GSTCD: variants seen among roughly 807,000 people sequenced by gnomAD.
The protein encoded by GSTCD is glutathione S-transferase C-terminal domain containing, also known as glutathione S-transferase C-terminal domain-containing protein.
GSTCD carries 44 observed loss-of-function variants against 68.3 expected under a neutral mutation model. The ratio of observed to expected loss-of-function variants is 0.64; its 90% CI spans 0.51 to 0.83. The LOEUF (loss-of-function observed/expected upper bound fraction) is 0.83, where lower values mean the gene tolerates loss of function less well. Among genes scored for constraint, GSTCD ranks in the 40% least tolerant of loss-of-function variants. GSTCD has a pLI of 0.00. For synonymous variants in GSTCD, 273 were observed against 255.2 expected, an observed-to-expected ratio of 1.07 and a Z score of -0.67; for missense variants, 739 against 735.9, an observed-to-expected ratio of 1.00 and a Z score of -0.05.
intron 5 of GSTCD, among the ~76,000 whole-genome samples, chr4:105,733,481 T>C (rs1406811033): frequency 2.0e-5 from 3 of 152,238 alleles, no homozygotes; most frequent in Non-Finnish European, 4.4e-5. Flanking sequence ...TGGTTTAAAG[T>C]CTGTTTTAAC....
intron 5 of GSTCD, chr4:105,807,043 A>G (rs987077593): frequency 6.6e-6 from 1 of 152,070 alleles, no homozygotes; most frequent in African/African-American, 2.4e-5. Flanking sequence ...TTAGATATTC[A>G]TGACTTCATC....
chr4:105,778,525 G>A (rs1735157051), intron 5 of GSTCD, among the ~76,000 whole-genome samples: 1 of 151,978 alleles, frequency 6.6e-6, no homozygotes, highest in South Asian at 2.1e-4. Flanking sequence ...CTTTGCAAAT[G>A]GCTTTAAGTT....
Position 105,776,357 on chromosome 4 carries a change from C to T in GSTCD, c.1241-46597C>T, listed in dbSNP as rs187943423. Among the ~76,000 whole-genome samples, 33 of 152,154 alleles carry T rather than the reference C, an allele frequency of 2.2e-4. 1 individual carries two copies. The East Asian group carries it at 4.5e-3, about 21-fold the overall frequency. Reference sequence around the variant, plus strand: ...TCCAGGGTAGTGAATGGTTTTGTCTCGCTGGCATTCCAGGTGCCACTGGGG... The same window carrying T: ...TCCAGGGTAGTGAATGGTTTTGTCTTGCTGGCATTCCAGGTGCCACTGGGG... On this transcript the variant is annotated intron_variant, in intron 5 of 11. Transcript: ENST00000515279.
intron 5 of GSTCD, among the ~76,000 whole-genome samples, chr4:105,764,105 A>G (rs1276848975): frequency 2.6e-5 from 4 of 152,152 alleles, no homozygotes; most frequent in Non-Finnish European, 5.9e-5. Context: ...GTCACATCAA[A>G]AGTTTAACAG....
chr4:105,761,164 T>C (rs1185810367), intron 5 of GSTCD: 2 of 181,426 alleles, frequency 1.1e-5, no homozygotes, highest in South Asian at 9.0e-5. Flanking sequence ...CCACCATATC[T>C]GGCTAATTTT....
At position 105,807,526 on chromosome 4, in the gene GSTCD, CTTAACT is replaced by C. The variant is rs1430945441; in HGVS notation, c.1241-15422_1241-15417del. Among the ~76,000 whole-genome samples the C allele has an allele frequency of 2.6e-5, 4 of 151,934 alleles. 1 individual carries two copies. Among genetic ancestry groups the C allele is most frequent in the Non-Finnish European group, 5.9e-5 (4 of 67,938 alleles). ...GTCCTATAAAATTTGTTTTGTCTTT[CTTAACT>C]TTAACATTTTGAAAAAGAATCTATT... is the stretch of plus-strand genomic sequence containing the variant. On this transcript the variant is annotated intron_variant, in intron 5 of 11. Coordinates refer to ENST00000515279, the MANE Select transcript of GSTCD (RefSeq NM_001370181.1).
chr4:105,845,490 A>AG lies in GSTCD; in HGVS notation c.1816dup (p.Glu606GlyfsTer21). 2 of 1,614,174 alleles carry AG rather than the reference A, an allele frequency of 1.2e-6. No individual in the cohort carries two copies. Among genetic ancestry groups the AG allele is most frequent in the Non-Finnish European group, 1.7e-6 (2 of 1,180,008 alleles). ...ATCTGGATCGAGCAAGAGCTGCAGAAGAATGTGGATACTCCGTTCAAGTGA... is the reference window on the plus strand; with the variant it reads ...ATCTGGATCGAGCAAGAGCTGCAGAAGGAATGTGGATACTCCGTTCAAGTGA... On this transcript the variant is annotated frameshift_variant, in exon 12 of 12. Coordinates refer to ENST00000515279, the MANE Select transcript of GSTCD (RefSeq NM_001370181.1). LOFTEE classifies it high-confidence loss of function.
intron 5 of GSTCD, among the ~76,000 whole-genome samples, chr4:105,735,067 G>A (rs1161566767): frequency 6.6e-6 from 1 of 152,194 alleles, no homozygotes; most frequent in African/African-American, 2.4e-5. Flanking sequence ...GTACCCGGCC[G>A]TGTTAGGTGT....
Position 105,820,347 on chromosome 4 carries a change from C to T in GSTCD, c.1241-2607C>T, listed in dbSNP as rs552217448. On this transcript the variant is annotated intron_variant, in intron 5 of 11. Coordinates refer to ENST00000515279, the MANE Select transcript of GSTCD (RefSeq NM_001370181.1). ...AATTGCATTGCAGAACAAATGACAT[C>T]ATTTGTATTAAAATATTCTACACTT... Among the ~76,000 whole-genome samples, 3 of 151,862 alleles carry T rather than the reference C, an allele frequency of 2.0e-5. No individual in the cohort carries two copies. The South Asian group carries it at 6.2e-4, about 32-fold the overall frequency.
At chr4:105,787,645 C>CA (rs1022482967) in intron 5 of GSTCD, among the ~76,000 whole-genome samples, 2 of 151,900 alleles carry the variant, frequency 1.3e-5, no homozygotes, top group African/African-American at 4.9e-5. Context: ...CAAATATTCT[C>CA]AGAGTCTGAG....
intron 8 of GSTCD, among the ~76,000 whole-genome samples, chr4:105,831,401 G>A (rs912882046): frequency 9.2e-5 from 14 of 152,132 alleles, no homozygotes; most frequent in Non-Finnish European, 1.5e-5. Flanking sequence ...TCCAGTCAGT[G>A]ACTCTCTGTT....
At chr4:105,844,361 T>G (rs1209771188) in intron 11 of GSTCD, among the ~76,000 whole-genome samples, 2 of 152,192 alleles carry the variant, frequency 1.3e-5, no homozygotes, top group Non-Finnish European at 2.9e-5. Context: ...TTTATATCAT[T>G]TCTAACCCAG....
intron 5 of GSTCD, among the ~76,000 whole-genome samples, chr4:105,814,248 G>C (rs547730221): frequency 6.6e-6 from 1 of 152,280 alleles, no homozygotes; most frequent in Non-Finnish European, 1.5e-5. Flanking sequence ...GTCTCCTGTA[G>C]TGCAAGCTTT....
intron 5 of GSTCD, among the ~76,000 whole-genome samples, chr4:105,749,858 A>G (rs190446209): frequency 7.9e-5 from 12 of 152,312 alleles, no homozygotes; most frequent in African/African-American, 2.4e-4. Flanking sequence ...GCCAAAGACT[A>G]TTAAAAGGAT....
intron 3 of GSTCD, among the ~76,000 whole-genome samples, chr4:105,725,070 C>G (rs944635426): frequency 7.1e-6 from 1 of 140,992 alleles, no homozygotes; most frequent in African/African-American, 2.9e-5. Context: ...AAGATGTAGA[C>G]AATTGAATAT....
chr4:105,833,074 G>A (rs11732650), intron 8 of GSTCD, among the ~76,000 whole-genome samples: 1 of 152,182 alleles, frequency 6.6e-6, no homozygotes. Context: ...GAATTCAGGA[G>A]GAGGATTAAG....
At chr4:105,787,160 T>C (rs1735497882) in intron 5 of GSTCD, among the ~76,000 whole-genome samples, 1 of 152,074 alleles carries the variant, frequency 6.6e-6, no homozygotes, top group South Asian at 2.1e-4. Context: ...TTCAATAAAG[T>C]TTGGAGACCA....
chr4:105,781,999 A>AAG (rs1735292650), intron 5 of GSTCD, among the ~76,000 whole-genome samples: 1 of 152,146 alleles, frequency 6.6e-6, no homozygotes, highest in African/African-American at 2.4e-5. Context: ...GATGCTTTGA[A>AAG]AGATATTTTG....
intron 5 of GSTCD, among the ~76,000 whole-genome samples, chr4:105,757,841 C>CA (rs1275560002): frequency 2.0e-5 from 3 of 151,906 alleles, no homozygotes; most frequent in African/African-American, 7.2e-5. Flanking sequence ...AGGTTATAGT[C>CA]AAAAAAAGAC....
Sources: allele counts gnomAD v4.1 joint callset (sites outside exome capture counted in the v4.1 genomes callset), GRCh38; gene constraint gnomAD v4.1.1; transcripts MANE v1.5; gene names NCBI Gene and HGNC (gene_info 2026-07-23, HGNC 2026-07-21).